Variants in CLIP1 observed in about 807,000 individuals in gnomAD.
CLIP1 encodes the protein CAP-Gly domain containing linker protein 1.
Under a neutral mutation model 161.6 loss-of-function variants are expected in CLIP1, and 66 were observed. That is an observed-to-expected ratio of 0.41 (90% CI 0.33 to 0.50). The LOEUF is 0.50. Ranked by LOEUF, CLIP1 falls within the 20% of genes least tolerant of loss-of-function variation. CLIP1 has a pLI of 0.27. For missense variants in CLIP1, 1,376 were observed against 1,702.0 expected (o/e 0.81, Z 3.37); for synonymous variants, 598 against 626.2 (o/e 0.96, Z 0.67).
intron 1 of CLIP1, among the ~76,000 whole-genome samples, chr12:122,391,386 G>A (rs1288517101): frequency 2.0e-5 from 3 of 152,100 alleles, no homozygotes; most frequent in African/African-American, 7.2e-5. Context: ...AGGAGTTCAA[G>A]ACCAGCCTGG....
intron 20 of CLIP1, 149 bp from the exon 21 acceptor site, chr12:122,288,690 T>A: frequency 1.6e-6 from 1 of 633,702 alleles, no homozygotes; most frequent in Non-Finnish European, 2.7e-6. Flanking sequence ...GGTCACTCTA[T>A]CACAGGATGT....
At chr12:122,280,050 T>C (rs1175368550) in intron 21 of CLIP1, 2 of 152,134 alleles carry the variant, frequency 1.3e-5, no homozygotes, top group East Asian at 3.8e-4. Flanking sequence ...TGTTTACATA[T>C]GTGTACCTAT....
At chr12:122,385,155 T>C (rs1271784783) in intron 1 of CLIP1, among the ~76,000 whole-genome samples, 1 of 152,042 alleles carries the variant, frequency 6.6e-6, no homozygotes, top group Non-Finnish European at 1.5e-5. Context: ...ATGGTCTCAA[T>C]CTCTTGACCT....
intron 1 of CLIP1, among the ~76,000 whole-genome samples, chr12:122,393,229 C>T (rs1330740946): frequency 1.3e-5 from 2 of 150,562 alleles, no homozygotes; most frequent in Non-Finnish European, 1.5e-5. Context: ...AGTGGCATCT[C>T]GCCTTACTGC....
At position 122,422,503 on chromosome 12, in the gene CLIP1, G is replaced by C. The variant is rs1290852274; in HGVS notation, c.-107+18C>G. 1 of 151,922 alleles carries C rather than the reference G, an allele frequency of 6.6e-6. No homozygotes were observed. The highest frequency in any genetic ancestry group is 1.5e-5 in the Non-Finnish European group (1 of 67,740). The allele number at this position is 151,922 out of a possible 1,614,324, so 9.4% of individuals were successfully genotyped here. A position where few individuals can be genotyped will look rare whatever the true frequency, so the allele number is the denominator to read the frequency against. On this transcript the variant is annotated intron_variant, in intron 1 of 25. Coordinates refer to ENST00000620786, the MANE Select transcript of CLIP1 (RefSeq NM_001247997.2). ...GGGTGCCGGGAAAGGGAGAGGGCCC[G>C]CGCCGCCCCCTGCTCACCTCCTCGG...
intron 20 of CLIP1, among the ~76,000 whole-genome samples, chr12:122,291,928 C>A (rs1220587537): frequency 6.6e-6 from 1 of 152,152 alleles, no homozygotes; most frequent in African/African-American, 2.4e-5. Flanking sequence ...TTGTATGACT[C>A]TGTCATTCCA....
chr12:122,352,700 C>T, intron 8 of CLIP1, 26 bp downstream of exon 8: 1 of 1,597,838 alleles, frequency 6.3e-7, no homozygotes, highest in South Asian at 1.1e-5. Context: ...CCCATAAAAG[C>T]TGTAAGAGAG....
chr12:122,331,485 T>C (rs1045202727), intron 15 of CLIP1, among the ~76,000 whole-genome samples: 6 of 152,010 alleles, frequency 3.9e-5, no homozygotes, highest in African/African-American at 1.4e-4. Context: ...TGGCTAATTT[T>C]TGTATTTTTA....
At chr12:122,400,914 T>TTA (rs1232067301) in intron 1 of CLIP1, 1 of 148,898 alleles carries the variant, frequency 6.7e-6, no homozygotes, top group East Asian at 2.0e-4. Context: ...TCCGGATCCT[T>TTA]TTTTTTTTTT....
At chr12:122,370,646 C>G (rs1011571377) in intron 3 of CLIP1, among the ~76,000 whole-genome samples, 38 of 152,224 alleles carry the variant, frequency 2.5e-4, no homozygotes, top group African/African-American at 8.7e-4. Context: ...AAGTCTAACT[C>G]CCTAGAACTA....
At chr12:122,296,969 C>T (rs746019999) in intron 20 of CLIP1, among the ~76,000 whole-genome samples, 32 of 150,814 alleles carry the variant, frequency 2.1e-4, no homozygotes, top group Non-Finnish European at 4.3e-4. Context: ...AAATTTTATA[C>T]ACAGAGATTC....
At chr12:122,415,719 T>C (rs1956729835) in intron 1 of CLIP1, among the ~76,000 whole-genome samples, 2 of 151,588 alleles carry the variant, frequency 1.3e-5, no homozygotes, top group Admixed American at 1.3e-4. Context: ...CTCAAGAGGC[T>C]GAGGCAGGAG....
intron 3 of CLIP1, among the ~76,000 whole-genome samples, chr12:122,374,793 G>T (rs1954638611): frequency 1.3e-5 from 2 of 151,974 alleles, no homozygotes; most frequent in Admixed American, 1.3e-4. Flanking sequence ...TTGAGAACAA[G>T]AAAATTCTAC....
intron 20 of CLIP1, among the ~76,000 whole-genome samples, chr12:122,303,554 T>C (rs1459582215): frequency 6.6e-6 from 1 of 152,176 alleles, no homozygotes. Flanking sequence ...TAGACTCCGT[T>C]GGTGATCTCT....
chr12:122,310,685 C>A (rs141136963), intron 19 of CLIP1, among the ~76,000 whole-genome samples: 181 of 152,204 alleles, frequency 1.2e-3, no homozygotes, highest in Non-Finnish European at 2.3e-3. Flanking sequence ...ATCACTAAAT[C>A]TTAGTTTTAT....
chr12:122,317,186 GAAAT>G (rs1951305525), intron 18 of CLIP1, among the ~76,000 whole-genome samples: 1 of 152,108 alleles, frequency 6.6e-6, no homozygotes, highest in African/African-American at 2.4e-5. Context: ...TTAAAAACAA[GAAAT>G]AAAATGCAAA....
chr12:122,379,942 T>G (rs1353719067), intron 2 of CLIP1, among the ~76,000 whole-genome samples: 1 of 14,522 alleles, frequency 6.9e-5, no homozygotes, highest in Non-Finnish European at 5.4e-4. Context: ...AGACTCCATC[T>G]TTAAAAAAAA....
chr12:122,274,275 G>T, intron 24 of CLIP1, 113 bp from the exon 25 acceptor site: 2 of 784,060 alleles, frequency 2.6e-6, no homozygotes, highest in Non-Finnish European at 4.1e-6. Flanking sequence ...TGCAGAAGGG[G>T]CCAACAGCGG....
chr12:122,377,298 G>A (rs971270120), intron 3 of CLIP1, 91 bp downstream of exon 3: 24 of 1,213,418 alleles, frequency 2.0e-5, no homozygotes, highest in South Asian at 1.6e-4. Context: ...GTGAGCCACC[G>A]CGCCCAGCCC....
Sources: allele counts gnomAD v4.1 joint callset (sites outside exome capture counted in the v4.1 genomes callset), GRCh38; gene constraint gnomAD v4.1.1; transcripts MANE v1.5; gene names NCBI Gene and HGNC (gene_info 2026-07-23, HGNC 2026-07-21).